Variants in DIAPH2 observed in about 807,000 individuals in gnomAD.
DIAPH2 encodes the protein diaphanous related formin 2.
Under a neutral mutation model 92.7 loss-of-function variants are expected in DIAPH2, and 35 were observed. The observed-to-expected ratio is 0.38, with a 90% CI of 0.29 to 0.50. The LOEUF (loss-of-function observed/expected upper bound fraction) is 0.50, where lower values mean the gene tolerates loss of function less well. DIAPH2 is among the 20% of genes least tolerant of loss of function. The pLI is 0.94. For missense variants in DIAPH2, 701 were observed against 819.5 expected (o/e 0.86, Z 1.77); for synonymous variants, 301 against 280.4 (o/e 1.07, Z -0.73).
chrX:96,814,081 T>A (rs1395375217), intron 4 of DIAPH2, among the ~76,000 whole-genome samples: 2 of 111,666 alleles, frequency 1.8e-5, no homozygotes, highest in East Asian at 2.8e-4. Context: ...GACTTGCTAG[T>A]TTGGGGAAGT....
intron 22 of DIAPH2, among the ~76,000 whole-genome samples, chrX:97,166,422 C>T (rs1046905780): frequency 9.0e-5 from 10 of 111,627 alleles, no homozygotes; most frequent in Non-Finnish European, 1.5e-4. Context: ...TTTAAAAAGA[C>T]TGGGAGATGC....
At chrX:97,304,788 G>A (rs1301484464) in intron 23 of DIAPH2, among the ~76,000 whole-genome samples, 1 of 112,232 alleles carries the variant, frequency 8.9e-6, no homozygotes, top group Non-Finnish European at 1.9e-5. Context: ...TGCTGATATA[G>A]TCATTGCAAT....
chrX:96,747,296 A>G (rs1359535078), intron 3 of DIAPH2, among the ~76,000 whole-genome samples: 2 of 112,325 alleles, frequency 1.8e-5, no homozygotes, highest in African/African-American at 3.2e-5. Context: ...CATTGGCAAC[A>G]TATAGATACG....
chrX:96,865,736 A>G (rs755263371), intron 4 of DIAPH2, among the ~76,000 whole-genome samples: 1 of 111,914 alleles, frequency 8.9e-6, no homozygotes, highest in Non-Finnish European at 1.9e-5. Context: ...AATGTGTGTG[A>G]TTACTGCTTT....
intron 22 of DIAPH2, among the ~76,000 whole-genome samples, chrX:97,229,780 TCAGCTTATATATAA>T (rs995984496): frequency 9.6e-6 from 1 of 103,878 alleles, no homozygotes; most frequent in African/African-American, 3.4e-5. Flanking sequence ...ATATAAGATT[TCAGCTTATATATAA>T]TAAGATATAA....
chrX:96,884,788 G>A, intron 5 of DIAPH2: 3 of 1,210,893 alleles, frequency 2.5e-6, no homozygotes, highest in Non-Finnish European at 3.4e-6. Context: ...GCATATTCTG[G>A]AAACGGTCAA....
chrX:97,311,689 G>A (rs1189970556), intron 23 of DIAPH2, among the ~76,000 whole-genome samples: 1 of 111,706 alleles, frequency 9.0e-6, no homozygotes, highest in Non-Finnish European at 1.9e-5. Flanking sequence ...CTTAGGAGCA[G>A]TTTAGGGAGT....
At chrX:97,039,040 C>T (rs2147884782) in intron 17 of DIAPH2, among the ~76,000 whole-genome samples, 1 of 111,098 alleles carries the variant, frequency 9.0e-6, no homozygotes, top group African/African-American at 3.3e-5. Context: ...TTCCTACCAG[C>T]CATATGTGAG....
chrX:96,799,152 T>G (rs2064562293), intron 4 of DIAPH2, among the ~76,000 whole-genome samples: 2 of 110,174 alleles, frequency 1.8e-5, no homozygotes, highest in Admixed American at 1.9e-4. Context: ...CTCTCTTTTT[T>G]CAGTTCTGTA....
chrX:96,992,496 G>T (rs759246962), intron 17 of DIAPH2, among the ~76,000 whole-genome samples: 1 of 112,032 alleles, frequency 8.9e-6, no homozygotes, highest in Admixed American at 9.4e-5. Context: ...ACAAAAATCA[G>T]ATAATGGATG....
At chrX:96,751,899 C>T (rs1489330107) in intron 3 of DIAPH2, among the ~76,000 whole-genome samples, 5 of 97,050 alleles carry the variant, frequency 5.2e-5, no homozygotes, top group African/African-American at 1.4e-4. Context: ...GTGATCCGCC[C>T]GCCTCGGCCT....
At chrX:97,188,954 A>G (rs1349756330) in intron 22 of DIAPH2, among the ~76,000 whole-genome samples, 1 of 111,636 alleles carries the variant, frequency 9.0e-6, no homozygotes, top group African/African-American at 3.3e-5. Context: ...TAGTAATCCA[A>G]TTGTGAATTT....
At chrX:97,572,527 C>T (rs1401009559) in intron 26 of DIAPH2, among the ~76,000 whole-genome samples, 1 of 111,501 alleles carries the variant, frequency 9.0e-6, no homozygotes, top group African/African-American at 3.3e-5. Flanking sequence ...ACTTCGGCCA[C>T]AGTTAATGCC....
At chrX:96,878,082 G>A (rs1043095762) in intron 4 of DIAPH2, among the ~76,000 whole-genome samples, 3 of 111,881 alleles carry the variant, frequency 2.7e-5, no homozygotes, top group Non-Finnish European at 3.8e-5. Flanking sequence ...AGAACAGGAT[G>A]TTAATAAGCC....
intron 23 of DIAPH2, among the ~76,000 whole-genome samples, chrX:97,255,729 T>TTTAAAATGCAGCTATTGAAAA (rs2068231154): frequency 8.9e-6 from 1 of 112,291 alleles, no homozygotes; most frequent in Non-Finnish European, 1.9e-5. Context: ...CATGTCTTGA[T>TTTAAAATGCAGCTATTGAAAA]TTAAAATGCA....
intron 4 of DIAPH2, among the ~76,000 whole-genome samples, chrX:96,839,546 A>G (rs2064922139): frequency 8.9e-6 from 1 of 111,732 alleles, no homozygotes; most frequent in Admixed American, 9.5e-5. Context: ...TCCTATGCTA[A>G]TAAGTGACTT....
At chrX:97,545,532 AAAT>A (rs574240530) in intron 26 of DIAPH2, among the ~76,000 whole-genome samples, 3,376 of 22,394 alleles carry the variant, frequency 0.15, 46 homozygotes, top group South Asian at 0.4. Flanking sequence ...GAAAAAAAAA[AAAT>A]ATATATATAT....
At chrX:96,763,094 A>G (rs2064278955) in intron 4 of DIAPH2, 1 of 962,691 alleles carries the variant, frequency 1.0e-6, no homozygotes, top group African/African-American at 2.0e-5. Context: ...TGACCACTGC[A>G]TGCAGATAGT....
chrX:96,899,042 T>G (rs1367393764), intron 5 of DIAPH2, among the ~76,000 whole-genome samples: 27 of 110,077 alleles, frequency 2.5e-4, no homozygotes, highest in African/African-American at 8.2e-4. Flanking sequence ...GTTGTAGATA[T>G]GCGGCATTAT....
Sources: gnomAD v4.1 joint callset for allele counts (sites outside exome capture counted in the v4.1 genomes callset) on GRCh38, gnomAD v4.1.1 for gene constraint, MANE v1.5 for transcripts, NCBI Gene and HGNC (gene_info 2026-07-23, HGNC 2026-07-21) for gene names.